Variants in PDGFC observed in about 807,000 individuals in gnomAD.
PDGFC encodes the protein platelet derived growth factor C.
In PDGFC, 12 loss-of-function variants were observed where a neutral mutation model predicts 35.5. The observed-to-expected ratio is 0.34, with a 90% CI of 0.22 to 0.55. The LOEUF (loss-of-function observed/expected upper bound fraction) is 0.55. Among genes scored for constraint, PDGFC ranks in the 20% least tolerant of loss-of-function variants. The pLI, the probability that PDGFC is intolerant of heterozygous loss-of-function variation, is 0.91. For missense variants in PDGFC, 322 were observed against 412.4 expected (o/e 0.78, Z 1.90); for synonymous variants, 159 against 148.8 (o/e 1.07, Z -0.50).
chr4:156,960,635 T>C (rs1051956895), intron 1 of PDGFC, among the ~76,000 whole-genome samples: 6 of 151,866 alleles, frequency 4.0e-5, no homozygotes, highest in Non-Finnish European at 8.8e-5. Flanking sequence ...ATCTACAAAA[T>C]TAACGCATTT....
At chr4:156,942,043 G>A (rs1218017122) in intron 1 of PDGFC, among the ~76,000 whole-genome samples, 1 of 152,062 alleles carries the variant, frequency 6.6e-6, no homozygotes, top group Non-Finnish European at 1.5e-5. Flanking sequence ...GATTATGAAA[G>A]CATTCTGATG....
At chr4:156,852,640 A>C (rs1230199374) in intron 1 of PDGFC, among the ~76,000 whole-genome samples, 1 of 152,166 alleles carries the variant, frequency 6.6e-6, no homozygotes. Flanking sequence ...ATCTAATGGG[A>C]TATTACTCCC....
At chr4:156,798,467 G>A (rs981398830) in intron 3 of PDGFC, among the ~76,000 whole-genome samples, 6 of 152,122 alleles carry the variant, frequency 3.9e-5, no homozygotes, top group African/African-American at 1.2e-4. Flanking sequence ...CCTCTTTTAC[G>A]TAATTGGGAA....
intron 1 of PDGFC, among the ~76,000 whole-genome samples, chr4:156,857,949 T>C (rs571480821): frequency 9.9e-5 from 15 of 152,216 alleles, no homozygotes; most frequent in Non-Finnish European, 1.9e-4. Context: ...ATAAAATCAC[T>C]GCAACTCTAG....
At chr4:156,882,109 T>G (rs1730258332) in intron 1 of PDGFC, among the ~76,000 whole-genome samples, 1 of 152,160 alleles carries the variant, frequency 6.6e-6, no homozygotes, top group Admixed American at 6.5e-5. Context: ...AGTATGACTG[T>G]ATCTATAGTA....
At chr4:156,804,599 AT>A (rs979408893) in intron 3 of PDGFC, among the ~76,000 whole-genome samples, 2 of 151,860 alleles carry the variant, frequency 1.3e-5, no homozygotes, top group African/African-American at 2.4e-5. Context: ...TTTTATAGGT[AT>A]TTTTTTCCTC....
At chr4:156,844,934 T>C (rs1181718684) in intron 2 of PDGFC, among the ~76,000 whole-genome samples, 1 of 151,788 alleles carries the variant, frequency 6.6e-6, no homozygotes, top group Non-Finnish European at 1.5e-5. Context: ...ACTGCAAAAA[T>C]TGATGTAATA....
At chr4:156,855,289 T>C (rs1406142441) in intron 1 of PDGFC, among the ~76,000 whole-genome samples, 1 of 152,174 alleles carries the variant, frequency 6.6e-6, no homozygotes, top group African/African-American at 2.4e-5. Flanking sequence ...TCCTTCAAAA[T>C]GCTACATTAT....
At chr4:156,921,536 A>G (rs1267043246) in intron 1 of PDGFC, among the ~76,000 whole-genome samples, 1 of 152,132 alleles carries the variant, frequency 6.6e-6, no homozygotes, top group Non-Finnish European at 1.5e-5. Flanking sequence ...AATTAGAAAG[A>G]GAAGAGAGAG....
intron 1 of PDGFC, among the ~76,000 whole-genome samples, chr4:156,896,981 G>C (rs1486989208): frequency 6.6e-6 from 1 of 152,092 alleles, no homozygotes; most frequent in Non-Finnish European, 1.5e-5. Context: ...ATCACTTTTG[G>C]CAGAAATGAT....
chr4:156,904,828 T>C (rs1283270948), intron 1 of PDGFC, among the ~76,000 whole-genome samples: 2 of 152,134 alleles, frequency 1.3e-5, no homozygotes, highest in Non-Finnish European at 1.5e-5. Context: ...ACTTAAATGT[T>C]TACTGATTGC....
intron 1 of PDGFC, among the ~76,000 whole-genome samples, chr4:156,858,771 C>T (rs1025522060): frequency 1.3e-5 from 2 of 152,056 alleles, no homozygotes; most frequent in Admixed American, 6.6e-5. Flanking sequence ...ACGTGGTTAA[C>T]CACAAATTCA....
chr4:156,937,121 G>T (rs542983941), intron 1 of PDGFC, among the ~76,000 whole-genome samples: 47 of 152,244 alleles, frequency 3.1e-4, no homozygotes, highest in African/African-American at 1.1e-3. Context: ...TGAAAAAAGA[G>T]ATTTGAAATT....
chr4:156,824,175 G>A (rs2110987964), intron 2 of PDGFC, among the ~76,000 whole-genome samples: 1 of 151,476 alleles, frequency 6.6e-6, no homozygotes, highest in South Asian at 2.1e-4. Flanking sequence ...GCACTACACT[G>A]TGAGCAAAGA....
In PDGFC at chr4:156,903,676, C is replaced by G. The variant is rs534947928; in HGVS notation, c.119-53260G>C. 2.6e-5 allele frequency among the ~76,000 whole-genome samples: 4 copies of G among 152,200 alleles called. No individual in the cohort carries two copies. The East Asian group carries it at 7.7e-4, about 29-fold the overall frequency. On this transcript the variant is annotated intron_variant, in intron 1 of 5. Transcript: ENST00000502773. ...AAACATAGCAATTCAAGACAGCATACCTGCCAGTGAAATAATCAGAAACAA... is the reference window on the plus strand; with the variant it reads ...AAACATAGCAATTCAAGACAGCATAGCTGCCAGTGAAATAATCAGAAACAA...
At chr4:156,907,442 A>G (rs1180343344) in intron 1 of PDGFC, among the ~76,000 whole-genome samples, 1 of 152,210 alleles carries the variant, frequency 6.6e-6, no homozygotes, top group Non-Finnish European at 1.5e-5. Flanking sequence ...GAAAGGGAAC[A>G]TAAAGGTTTA....
chr4:156,936,128 T>C (rs1731674558), intron 1 of PDGFC, among the ~76,000 whole-genome samples: 1 of 152,224 alleles, frequency 6.6e-6, no homozygotes, highest in African/African-American at 2.4e-5. Context: ...ACCTTGCTAC[T>C]TGCTAGCTCT....
At chr4:156,892,049 G>T (rs2111197300) in intron 1 of PDGFC, among the ~76,000 whole-genome samples, 1 of 152,314 alleles carries the variant, frequency 6.6e-6, no homozygotes, top group Admixed American at 6.5e-5. Context: ...TTCAGGTCAA[G>T]GAGAAGCCTT....
At chr4:156,775,867 C>T (rs1017610162) in intron 3 of PDGFC, among the ~76,000 whole-genome samples, 15 of 151,982 alleles carry the variant, frequency 9.9e-5, no homozygotes, top group Non-Finnish European at 1.5e-5. Context: ...CAACTCTTTC[C>T]CCACCACACC....
Sources: allele counts gnomAD v4.1 joint callset (sites outside exome capture counted in the v4.1 genomes callset), GRCh38; gene constraint gnomAD v4.1.1; transcripts MANE v1.5; gene names NCBI Gene and HGNC (gene_info 2026-07-23, HGNC 2026-07-21).